The following PDS5B variants were observed in gnomAD, a reference collection of about 807,000 sequenced individuals.
PDS5B encodes PDS5 cohesin associated factor B, also known as sister chromatid cohesion protein PDS5 homolog B.
PDS5B carries 51 observed loss-of-function variants against 184.1 expected under a neutral mutation model. That is an observed-to-expected ratio of 0.28 (90% CI 0.22 to 0.35). PDS5B has a LOEUF of 0.35. PDS5B is among the 10% of genes least tolerant of loss of function. The pLI is 1.00. For synonymous variants in PDS5B, 566 were observed against 569.2 expected, an observed-to-expected ratio of 0.99 and a Z score of 0.08; for missense variants, 1,180 against 1,723.3, an observed-to-expected ratio of 0.68 and a Z score of 5.58.
intron 20 of PDS5B, among the ~76,000 whole-genome samples, chr13:32,732,806 T>TAA (rs1392773463): frequency 6.6e-6 from 1 of 152,102 alleles, no homozygotes; most frequent in Non-Finnish European, 1.5e-5. Context: ...TTAGTGCAAA[T>TAA]AAAAGCTAAG....
At chr13:32,650,895 G>A (rs1950351495) in intron 2 of PDS5B, among the ~76,000 whole-genome samples, 2 of 152,156 alleles carry the variant, frequency 1.3e-5, no homozygotes, top group South Asian at 4.1e-4. Context: ...GATACTTTGT[G>A]GCCAGCCCCA....
At chr13:32,755,790 T>A (rs1220918688) in intron 25 of PDS5B, 52 bp from the exon 26 acceptor site, 2 of 913,646 alleles carry the variant, frequency 2.2e-6, no homozygotes, top group Non-Finnish European at 3.4e-6. Flanking sequence ...TTGTTTTGTT[T>A]TTTGCTTTTT....
intron 1 of PDS5B, among the ~76,000 whole-genome samples, chr13:32,620,428 C>T (rs919411135): frequency 9.9e-5 from 15 of 151,954 alleles, no homozygotes; most frequent in African/African-American, 2.9e-4. Flanking sequence ...GAGGCCGAGG[C>T]GGGCGGATCA....
chr13:32,632,951 A>AT (rs2058481053), intron 1 of PDS5B, among the ~76,000 whole-genome samples: 1 of 151,888 alleles, frequency 6.6e-6, no homozygotes, highest in African/African-American at 2.4e-5. Flanking sequence ...AAATACAAAA[A>AT]TTAGCCAGGC....
chr13:32,605,016 A>G (rs937390464), intron 1 of PDS5B, among the ~76,000 whole-genome samples: 1 of 152,036 alleles, frequency 6.6e-6, no homozygotes, highest in African/African-American at 2.4e-5. Flanking sequence ...GATCTTTTCA[A>G]AAAAACCAGC....
intron 1 of PDS5B, among the ~76,000 whole-genome samples, chr13:32,626,363 AT>A (rs949425458): frequency 1.2e-4 from 18 of 152,330 alleles, no homozygotes; most frequent in Non-Finnish European, 2.2e-4. Context: ...TTTAGGGGAG[AT>A]TTGGCTTGAA....
At chr13:32,728,699 G>C (rs991856531) in intron 19 of PDS5B, among the ~76,000 whole-genome samples, 2 of 152,124 alleles carry the variant, frequency 1.3e-5, no homozygotes, top group Non-Finnish European at 2.9e-5. Flanking sequence ...GGGCAGTAAA[G>C]CTCTTCTAGT....
At chr13:32,657,032 G>A (rs978224817) in intron 3 of PDS5B, among the ~76,000 whole-genome samples, 6 of 152,234 alleles carry the variant, frequency 3.9e-5, no homozygotes, top group Non-Finnish European at 5.9e-5. Flanking sequence ...GCCATGTGCA[G>A]ATGAGAAGAA....
chr13:32,689,123 T>C (rs1438837668), intron 13 of PDS5B: 1 of 155,414 alleles, frequency 6.4e-6, no homozygotes, highest in African/African-American at 2.4e-5. Flanking sequence ...AAGACATTGC[T>C]AGTCTAATTG....
intron 1 of PDS5B, among the ~76,000 whole-genome samples, chr13:32,610,524 A>G (rs1222329352): frequency 2.0e-5 from 3 of 152,168 alleles, no homozygotes; most frequent in Non-Finnish European, 2.9e-5. Flanking sequence ...TAATACTGTG[A>G]TCTTTTCCTT....
At chr13:32,714,688 C>G (rs1486813505) in intron 19 of PDS5B, among the ~76,000 whole-genome samples, 1 of 152,140 alleles carries the variant, frequency 6.6e-6, no homozygotes, top group Non-Finnish European at 1.5e-5. Context: ...CTCTGTTATG[C>G]CTGGCTCACC....
At chr13:32,739,844 A>G (rs1953476639) in intron 21 of PDS5B, among the ~76,000 whole-genome samples, 1 of 152,064 alleles carries the variant, frequency 6.6e-6, no homozygotes, top group Non-Finnish European at 1.5e-5. Flanking sequence ...CTTGACTGGT[A>G]TATTTTTCCA....
At chr13:32,701,463 T>C in intron 17 of PDS5B, 25 bp downstream of exon 17, 1 of 1,363,288 alleles carries the variant, frequency 7.3e-7, no homozygotes, top group South Asian at 1.2e-5. Flanking sequence ...AATACTAAGT[T>C]CTCATTGCTG....
At chr13:32,757,410 A>T (rs191450310) in intron 26 of PDS5B, among the ~76,000 whole-genome samples, 15 of 152,232 alleles carry the variant, frequency 9.9e-5, no homozygotes, top group African/African-American at 3.6e-4. Flanking sequence ...ACCTTGCTTC[A>T]CATTTCTCTC....
intron 1 of PDS5B, among the ~76,000 whole-genome samples, chr13:32,620,386 G>A (rs1255314477): frequency 3.9e-5 from 6 of 152,006 alleles, no homozygotes; most frequent in Non-Finnish European, 7.4e-5. Flanking sequence ...GTGATAGCAC[G>A]GTGGCTCACG....
chr13:32,770,645 C>A lies in PDS5B; in HGVS notation c.4065-9C>A, dbSNP rs925005480. 3 of 1,607,842 alleles carry A rather than the reference C, an allele frequency of 1.9e-6. No individual in the cohort carries two copies. The highest frequency in any genetic ancestry group is 2.5e-6 in the Non-Finnish European group (3 of 1,177,806). The stretch of plus-strand genomic sequence containing the variant: ...GATGCTATCCACATTTGGGTCTTCC[C>A]CAAAGCAGAGCAGAATCTCCTGAAT... On this transcript the variant is annotated splice_polypyrimidine_tract_variant and intron_variant, in intron 32 of 34. Transcript: ENST00000315596.
chr13:32,600,042 G>C (rs2057948800), intron 1 of PDS5B, among the ~76,000 whole-genome samples: 1 of 152,064 alleles, frequency 6.6e-6, no homozygotes, highest in Non-Finnish European at 1.5e-5. Flanking sequence ...GTTTTTCAGA[G>C]ACTCTTTTAA....
Position 32,658,550 on chromosome 13 carries a change from G to A in PDS5B, c.497+19G>A. 1 of 1,235,122 alleles carries A rather than the reference G, an allele frequency of 8.1e-7. No homozygotes were observed. Among genetic ancestry groups the A allele is most frequent in the Non-Finnish European group, 1.1e-6 (1 of 872,712 alleles). 76.5% of individuals were successfully genotyped at this position (1,235,122 alleles called of 1,614,324 possible). The stretch of plus-strand genomic sequence containing the variant: ...TTATAAAGTAAGTTTATTTTATTAA[G>A]TATGTAACATTAAAAAAAGGTAACA... On this transcript the variant is annotated intron_variant, in intron 5 of 34. Coordinates refer to ENST00000315596, the MANE Select transcript of PDS5B (RefSeq NM_015032.4).
At chr13:32,630,398 G>A (rs976473075) in intron 1 of PDS5B, among the ~76,000 whole-genome samples, 1 of 152,130 alleles carries the variant, frequency 6.6e-6, no homozygotes, top group Non-Finnish European at 1.5e-5. Flanking sequence ...GTGATGGTGT[G>A]CATGCCCTCC....
Sources: allele counts gnomAD v4.1 joint callset (sites outside exome capture counted in the v4.1 genomes callset), GRCh38; gene constraint gnomAD v4.1.1; transcripts MANE v1.5; gene names NCBI Gene and HGNC (gene_info 2026-07-23, HGNC 2026-07-21).